UNC5D: variants seen among roughly 807,000 people sequenced by gnomAD.
UNC5D encodes the protein netrin receptor UNC5D.
A neutral mutation model predicts 105.4 loss-of-function variants in UNC5D; 39 were observed. The observed-to-expected ratio is 0.37, with a 90% confidence interval of 0.29 to 0.48. The LOEUF is 0.48. UNC5D is among the 20% of genes least tolerant of loss of function. The pLI is 0.98. For synonymous variants in UNC5D, 452 were observed against 450.4 expected (o/e 1.00, Z -0.04); for missense variants, 991 against 1,202.4 (o/e 0.82, Z 2.60).
rs369100742 is a variant in UNC5D at position 35,774,278 on chromosome 8, C to A, written c.2479-21C>A. On this transcript the variant is annotated intron_variant, in intron 15 of 16. Transcript: ENST00000404895. ...CTGCTTTCAGATAGATCTGATCATG[C>A]GTTCCTTATTTTGTTTATAGAGTGA... is the stretch of plus-strand genomic sequence containing the variant. 5 of 1,613,356 alleles carry A rather than the reference C, an allele frequency of 3.1e-6. No individual in the cohort carries two copies. The South Asian group carries it at 5.5e-5, about 18-fold the overall frequency.
At chr8:35,646,157 G>A (rs1563626637) in intron 4 of UNC5D, among the ~76,000 whole-genome samples, 1 of 152,098 alleles carries the variant, frequency 6.6e-6, no homozygotes, top group Non-Finnish European at 1.5e-5. Flanking sequence ...CACTTATTGT[G>A]TTGTCATTTT....
At chr8:35,239,224 A>G (rs917267766) in intron 1 of UNC5D, among the ~76,000 whole-genome samples, 1 of 152,176 alleles carries the variant, frequency 6.6e-6, no homozygotes, top group Non-Finnish European at 1.5e-5. Context: ...TGGTTCTTTA[A>G]GTAGTACCTC....
At chr8:35,757,759 A>T (rs994364567) in intron 13 of UNC5D, among the ~76,000 whole-genome samples, 3 of 152,158 alleles carry the variant, frequency 2.0e-5, no homozygotes, top group Admixed American at 6.5e-5. Context: ...TCAGCCAAGT[A>T]CGCATTTAGA....
chr8:35,438,744 G>A (rs1052890458), intron 1 of UNC5D, among the ~76,000 whole-genome samples: 5 of 151,972 alleles, frequency 3.3e-5, no homozygotes, highest in Non-Finnish European at 7.4e-5. Context: ...GGAGTTAGGT[G>A]AAAACTCTAG....
intron 14 of UNC5D, among the ~76,000 whole-genome samples, chr8:35,762,504 C>T (rs997151539): frequency 6.6e-6 from 1 of 152,198 alleles, no homozygotes. Flanking sequence ...CGATGCTAGT[C>T]TCCCCAAGTA....
rs1283921133 is a variant in UNC5D, at chr8:35,338,642, G to T, written c.103+102755G>T. 4.6e-5 allele frequency among the ~76,000 whole-genome samples: 7 copies of T among 152,268 alleles called. No homozygotes were observed. The South Asian group carries it at 1.2e-3, about 27-fold the overall frequency. On this transcript the variant is annotated intron_variant, in intron 1 of 16. Transcript: ENST00000404895. The stretch of plus-strand genomic sequence containing the variant: ...ACAGAGGAGGGTTTGTAGAGGGGAA[G>T]AGATTCTGCTCCCATCTCTGACTTC...
At chr8:35,771,948 G>A (rs796109112) in intron 15 of UNC5D, among the ~76,000 whole-genome samples, 4 of 152,282 alleles carry the variant, frequency 2.6e-5, no homozygotes, top group African/African-American at 9.6e-5. Context: ...GGAAGTTGGG[G>A]CTGAGATAGA....
At chr8:35,491,421 T>G (rs779511233) in intron 1 of UNC5D, among the ~76,000 whole-genome samples, 20 of 152,214 alleles carry the variant, frequency 1.3e-4, no homozygotes, top group Non-Finnish European at 1.5e-5. Context: ...ATACCTGGCT[T>G]ACACAAGAAA....
chr8:35,273,391 A>G (rs1458344825), intron 1 of UNC5D, among the ~76,000 whole-genome samples: 2 of 152,226 alleles, frequency 1.3e-5, no homozygotes, highest in African/African-American at 4.8e-5. Context: ...TGGAGTCAGT[A>G]GGCGTAATTT....
intron 4 of UNC5D, among the ~76,000 whole-genome samples, chr8:35,613,817 C>G (rs1168842698): frequency 1.3e-5 from 2 of 152,200 alleles, no homozygotes; most frequent in Non-Finnish European, 1.5e-5. Context: ...CCACTGCACT[C>G]CAGTCTGGAC....
intron 6 of UNC5D, 83 bp downstream of exon 6, chr8:35,684,832 T>C (rs1181232119): frequency 1.4e-6 from 2 of 1,461,418 alleles, no homozygotes; most frequent in Admixed American, 4.7e-5. Flanking sequence ...TTACCTTCTT[T>C]TCCAAAGTTA....
chr8:35,660,844 GC>G (rs1824061875), intron 4 of UNC5D, among the ~76,000 whole-genome samples: 1 of 152,116 alleles, frequency 6.6e-6, no homozygotes, highest in Admixed American at 6.6e-5. Flanking sequence ...CTTAGAGCAA[GC>G]CACTGTGCTC....
chr8:35,507,079 G>A (rs867614264), intron 1 of UNC5D, among the ~76,000 whole-genome samples: 276 of 111,458 alleles, frequency 2.5e-3, no homozygotes, highest in Middle Eastern at 6.9e-3. Flanking sequence ...TTTTTGAGAC[G>A]GAGTCTCGCT....
intron 1 of UNC5D, among the ~76,000 whole-genome samples, chr8:35,321,037 A>G (rs1012883656): frequency 6.6e-6 from 1 of 152,124 alleles, no homozygotes; most frequent in African/African-American, 2.4e-5. Flanking sequence ...GCAGCTTAGA[A>G]GTGTGTTCTT....
chr8:35,696,904 C>G (rs954413529), intron 7 of UNC5D, among the ~76,000 whole-genome samples: 1 of 151,992 alleles, frequency 6.6e-6, no homozygotes, highest in Non-Finnish European at 1.5e-5. Context: ...TGGAAAATTG[C>G]CATGATCATT....
Position 35,535,449 on chromosome 8 carries a change from A to T in UNC5D, c.104-13843A>T, listed in dbSNP as rs4739413. Reference sequence around the variant, plus strand: ...TGTTGTTGTTGCTGTTTTTTTTTTTAATTTTTTTTTTAAGCTCCGTAAGTC... The same window carrying T: ...TGTTGTTGTTGCTGTTTTTTTTTTTTATTTTTTTTTTAAGCTCCGTAAGTC... On this transcript the variant is annotated intron_variant, in intron 1 of 16. Transcript: ENST00000404895. 4.0e-4 allele frequency among the ~76,000 whole-genome samples: 57 copies of T among 142,880 alleles called. 2 individuals carry two copies. Among genetic ancestry groups the T allele is most frequent in the East Asian group, 4.4e-4 (2 of 4,564 alleles). The allele number at this position is 142,880 out of a possible 152,430, so 93.7% of individuals were successfully genotyped here.
chr8:35,623,745 C>G (rs1312892006), intron 4 of UNC5D, among the ~76,000 whole-genome samples: 1 of 152,176 alleles, frequency 6.6e-6, no homozygotes, highest in Non-Finnish European at 1.5e-5. Flanking sequence ...CATTTAACAA[C>G]ATGCCATCTG....
chr8:35,518,009 C>T (rs962430432), intron 1 of UNC5D, among the ~76,000 whole-genome samples: 28 of 152,150 alleles, frequency 1.8e-4, no homozygotes, highest in African/African-American at 6.3e-4. Context: ...CTTATTATCA[C>T]CTTTGGGATT....
rs559600669 is a variant in UNC5D, at chr8:35,773,230, C to G, written c.2479-1069C>G. ...GCAACCACTGCAGCCTGGCACATTT[C>G]TGTGTGATTTCATGTTGGATATAAG... On this transcript the variant is annotated intron_variant, in intron 15 of 16. Transcript: ENST00000404895. Among the ~76,000 whole-genome samples the G allele has an allele frequency of 1.3e-3, 202 of 152,272 alleles. 1 individual carries two copies. Among genetic ancestry groups the G allele is most frequent in the Middle Eastern group, 6.8e-3 (2 of 294 alleles).
Sources: gnomAD v4.1 joint callset for allele counts (sites outside exome capture counted in the v4.1 genomes callset) on GRCh38, gnomAD v4.1.1 for gene constraint, MANE v1.5 for transcripts, NCBI Gene and HGNC (gene_info 2026-07-23, HGNC 2026-07-21) for gene names.